CNTLN: variants seen among roughly 807,000 people sequenced by gnomAD.
CNTLN encodes centlein.
Under a neutral mutation model 180.0 loss-of-function variants are expected in CNTLN, and 212 were observed. The ratio of observed to expected loss-of-function variants is 1.18; its 90% CI spans 1.05 to 1.32. The LOEUF is 1.32. CNTLN is among the 40% of genes most tolerant of loss of function. The pLI is 0.00. For synonymous variants in CNTLN, 722 were observed against 563.1 expected (o/e 1.28, Z -3.99); for missense variants, 2,095 against 1,610.9 (o/e 1.30, Z -5.14).
chr9:17,330,644 C>T lies in CNTLN; in HGVS notation c.1354C>T (p.Pro452Ser). 6.3e-7 allele frequency: 1 copy of T among 1,587,850 alleles called. No homozygotes were observed. Among genetic ancestry groups the T allele is most frequent in the African/African-American group, 1.4e-5 (1 of 73,708 alleles). ...CTTTTTAAAATAGGTACCTCATCGCCCATCCTTATCAAGCTTAGAAACGTT... is the reference window on the plus strand; with the variant it reads ...CTTTTTAAAATAGGTACCTCATCGCTCATCCTTATCAAGCTTAGAAACGTT... ...PDYSAQVPHR[P>S]SLSSLETLMV... Residue 452 changes from proline to serine, a missense_variant, in exon 9 of 26, where the codon CCA becomes TCA. Transcript: ENST00000380647.
At chr9:17,468,780 T>C (rs1326920130) in intron 23 of CNTLN, among the ~76,000 whole-genome samples, 1 of 151,676 alleles carries the variant, frequency 6.6e-6, no homozygotes, top group Non-Finnish European at 1.5e-5. Flanking sequence ...TAAGAAACTT[T>C]TTCTTTATAT....
intron 5 of CNTLN, among the ~76,000 whole-genome samples, chr9:17,252,497 T>C (rs1826205766): frequency 6.6e-6 from 1 of 151,838 alleles, no homozygotes; most frequent in Non-Finnish European, 1.5e-5. Context: ...TGATGATTAA[T>C]GATGCTGAGC....
At chr9:17,267,267 G>T (rs1189532026) in intron 5 of CNTLN, among the ~76,000 whole-genome samples, 4 of 152,092 alleles carry the variant, frequency 2.6e-5, no homozygotes, top group South Asian at 2.1e-4. Context: ...TTGTTTGTCT[G>T]TAAAGTATTT....
intron 5 of CNTLN, among the ~76,000 whole-genome samples, chr9:17,255,957 A>G (rs1465210207): frequency 1.3e-5 from 2 of 151,874 alleles, no homozygotes; most frequent in East Asian, 3.9e-4. Flanking sequence ...ATTTGTTAGA[A>G]TACAGATTTT....
At chr9:17,207,068 T>C (rs564470546) in intron 2 of CNTLN, among the ~76,000 whole-genome samples, 2 of 152,200 alleles carry the variant, frequency 1.3e-5, no homozygotes, top group East Asian at 3.9e-4. Context: ...GTCTGGTGAG[T>C]GCGGTGTCTG....
intron 2 of CNTLN, among the ~76,000 whole-genome samples, chr9:17,192,523 C>G (rs190361838): frequency 6.7e-6 from 1 of 148,684 alleles, no homozygotes; most frequent in Non-Finnish European, 1.5e-5. Flanking sequence ...AGGCGTGAGC[C>G]ACCACGTCCC....
chr9:17,384,993 C>T (rs562317684), intron 13 of CNTLN, among the ~76,000 whole-genome samples: 1 of 152,330 alleles, frequency 6.6e-6, no homozygotes, highest in East Asian at 1.9e-4. Flanking sequence ...AGGTTTCCAC[C>T]TGTATTTCTG....
intron 5 of CNTLN, among the ~76,000 whole-genome samples, chr9:17,260,915 A>T (rs1377471872): frequency 6.6e-6 from 1 of 151,414 alleles, no homozygotes; most frequent in Non-Finnish European, 1.5e-5. Context: ...TCTCAGCACC[A>T]TTTATTGAAT....
chr9:17,517,400 C>CAA, the CNTLN span, among the ~76,000 whole-genome samples: 102 of 115,970 alleles, frequency 8.8e-4, no homozygotes, highest in Admixed American at 3.4e-3. Flanking sequence ...TCAAACAAAA[C>CAA]AAAAAAAAAA....
chr9:17,426,115 A>C (rs1160236563), intron 18 of CNTLN, among the ~76,000 whole-genome samples: 2 of 152,036 alleles, frequency 1.3e-5, no homozygotes, highest in East Asian at 1.9e-4. Flanking sequence ...GCCAGGAGCA[A>C]CCAGCTGGGT....
At chr9:17,196,540 T>C (rs1262952662) in intron 2 of CNTLN, among the ~76,000 whole-genome samples, 1 of 152,024 alleles carries the variant, frequency 6.6e-6, no homozygotes, top group Non-Finnish European at 1.5e-5. Flanking sequence ...AGGAGTTATG[T>C]AAGGAATGAC....
At chr9:17,408,477 C>T (rs951685389) in intron 15 of CNTLN, among the ~76,000 whole-genome samples, 2 of 151,880 alleles carry the variant, frequency 1.3e-5, no homozygotes, top group Admixed American at 6.6e-5. Flanking sequence ...CTACTTTGTT[C>T]ACTACTGCCT....
chr9:17,427,829 A>C (rs993197822), intron 18 of CNTLN, among the ~76,000 whole-genome samples: 1 of 152,132 alleles, frequency 6.6e-6, no homozygotes, highest in Admixed American at 6.6e-5. Flanking sequence ...CAGATTTCCA[A>C]ATTTGGCTGC....
intron 12 of CNTLN, among the ~76,000 whole-genome samples, chr9:17,361,527 A>AT (rs1823390054): frequency 1.3e-5 from 2 of 152,244 alleles, no homozygotes; most frequent in South Asian, 4.1e-4. Flanking sequence ...TACTATGCAC[A>AT]TGCAAAAAAA....
At chr9:17,158,798 T>C (rs2131572984) in intron 2 of CNTLN, among the ~76,000 whole-genome samples, 1 of 152,232 alleles carries the variant, frequency 6.6e-6, no homozygotes, top group South Asian at 2.1e-4. Flanking sequence ...ATTTTGTTGA[T>C]CTTTTTGAAG....
intron 18 of CNTLN, among the ~76,000 whole-genome samples, chr9:17,420,325 G>C (rs1828613938): frequency 6.6e-6 from 1 of 152,094 alleles, no homozygotes; most frequent in Admixed American, 6.6e-5. Flanking sequence ...TTGTCTATTT[G>C]TTCTAGATTT....
intron 23 of CNTLN, among the ~76,000 whole-genome samples, chr9:17,475,197 A>G (rs950804752): frequency 6.6e-6 from 1 of 152,128 alleles, no homozygotes; most frequent in South Asian, 2.1e-4. Flanking sequence ...AACATATGAA[A>G]CAATGGAAAA....
chr9:17,389,442 A>G (rs1825931750), intron 14 of CNTLN, among the ~76,000 whole-genome samples: 1 of 152,156 alleles, frequency 6.6e-6, no homozygotes, highest in Admixed American at 6.5e-5. Flanking sequence ...GCCTTAGGGT[A>G]GAAACCCTGA....
intron 23 of CNTLN, among the ~76,000 whole-genome samples, chr9:17,476,259 A>G (rs1300140763): frequency 1.3e-5 from 2 of 152,130 alleles, no homozygotes; most frequent in Admixed American, 6.5e-5. Context: ...GTTCCGCCCA[A>G]CTGTCTTTTC....
Sources: allele counts gnomAD v4.1 joint callset (sites outside exome capture counted in the v4.1 genomes callset), GRCh38; gene constraint gnomAD v4.1.1; transcripts MANE v1.5; gene names NCBI Gene and HGNC (gene_info 2026-07-23, HGNC 2026-07-21).